PRKCI: variants seen among roughly 807,000 people sequenced by gnomAD.
The protein encoded by PRKCI is protein kinase C iota type.
Under a neutral mutation model 84.0 loss-of-function variants are expected in PRKCI, and 43 were observed. The observed-to-expected ratio is 0.51, with a 90% CI of 0.40 to 0.66. PRKCI has a LOEUF of 0.66. Among genes scored for constraint, PRKCI ranks in the 30% least tolerant of loss-of-function variants. The pLI is 0.00. For missense variants in PRKCI, 459 were observed against 745.6 expected (o/e 0.62, Z 4.48); for synonymous variants, 216 against 234.4 (o/e 0.92, Z 0.72).
chr3:170,232,199 C>A (rs1732816746), intron 1 of PRKCI, among the ~76,000 whole-genome samples: 1 of 151,886 alleles, frequency 6.6e-6, no homozygotes, highest in Non-Finnish European at 1.5e-5. Context: ...TGTAGGCACA[C>A]ACCACTATGT....
At chr3:170,262,356 A>AT (rs59966820) in intron 3 of PRKCI, among the ~76,000 whole-genome samples, 2,815 of 152,310 alleles carry the variant, frequency 0.018, 98 homozygotes, top group African/African-American at 0.064. Flanking sequence ...TTGTCCTACT[A>AT]TACCAAGGAT....
At position 170,222,586 on chromosome 3, in the gene PRKCI, A is replaced by G. The variant is rs904786310; in HGVS notation, c.-84A>G. On this transcript the variant is annotated 5_prime_UTR_variant, in exon 1 of 18. Transcript: ENST00000295797. Reference sequence around the variant, plus strand: ...GGCGGACGGCCGCGGTTCTCCGGCAAGCGCAGGCGGCGGAGTCCCCCACGG... The same window carrying G: ...GGCGGACGGCCGCGGTTCTCCGGCAGGCGCAGGCGGCGGAGTCCCCCACGG... The G allele has an allele frequency of 4.7e-5, 57 of 1,215,218 alleles. No homozygotes were observed. In the Middle Eastern group the frequency reaches 1.1e-3, roughly 25 times the overall value. The allele number at this position is 1,215,218 out of a possible 1,614,324, so 75.3% of individuals were successfully genotyped here. A position where few individuals can be genotyped will look rare whatever the true frequency, so the allele number is the denominator to read the frequency against.
intron 1 of PRKCI, among the ~76,000 whole-genome samples, chr3:170,232,398 C>T (rs554379735): frequency 8.6e-5 from 13 of 151,172 alleles, no homozygotes; most frequent in Non-Finnish European, 1.8e-4. Flanking sequence ...CAGTGTCTTC[C>T]TCCATCACCC....
intron 1 of PRKCI, among the ~76,000 whole-genome samples, chr3:170,233,327 A>G (rs1732853396): frequency 6.6e-6 from 1 of 151,864 alleles, no homozygotes; most frequent in East Asian, 1.9e-4. Flanking sequence ...CTGAAGCTCA[A>G]TAGCAAAATA....
chr3:170,264,660 C>A (rs1733814227), intron 4 of PRKCI, among the ~76,000 whole-genome samples: 2 of 152,118 alleles, frequency 1.3e-5, no homozygotes, highest in South Asian at 4.1e-4. Flanking sequence ...ATTAGATCTC[C>A]AATTCCTAGT....
At chr3:170,251,437 C>A (rs888423211) in intron 2 of PRKCI, among the ~76,000 whole-genome samples, 8 of 152,082 alleles carry the variant, frequency 5.3e-5, no homozygotes, top group African/African-American at 1.2e-4. Flanking sequence ...ATTACTATCT[C>A]TATTGTACAA....
intron 1 of PRKCI, 66 bp downstream of exon 1, chr3:170,222,836 G>A: frequency 8.3e-7 from 1 of 1,204,380 alleles, no homozygotes; most frequent in Non-Finnish European, 1.2e-6. Context: ...CCTGGAGGAG[G>A]GGAGGGTGAG....
chr3:170,299,139 T>G, intron 17 of PRKCI, 29 bp downstream of exon 17: 1 of 1,395,284 alleles, frequency 7.2e-7, no homozygotes. Flanking sequence ...TGAAATTTTT[T>G]TTTAAGTTCT....
intron 1 of PRKCI, among the ~76,000 whole-genome samples, chr3:170,229,572 C>T (rs1732733637): frequency 6.6e-6 from 1 of 152,212 alleles, no homozygotes; most frequent in Non-Finnish European, 1.5e-5. Context: ...GTAGAAATTA[C>T]AGGCATGAGC....
chr3:170,275,299 T>G lies in PRKCI; in HGVS notation c.705+12T>G. The G allele has an allele frequency of 2.5e-6, 4 of 1,596,712 alleles. No individual in the cohort carries two copies. The highest frequency in any genetic ancestry group is 3.4e-6 in the Non-Finnish European group (4 of 1,173,606). On this transcript the variant is annotated intron_variant, in intron 8 of 17. Coordinates refer to ENST00000295797, the MANE Select transcript of PRKCI (RefSeq NM_002740.6). ...GTGAAGAAAAAGAGGTAAGATAATT[T>G]GTCTTATTGTACATTATATCATTAG...
At chr3:170,266,571 A>C (rs73034400) in intron 4 of PRKCI, among the ~76,000 whole-genome samples, 12,291 of 152,150 alleles carry the variant, frequency 0.081, 1,189 homozygotes, top group African/African-American at 0.23. Flanking sequence ...AAGTCAACAT[A>C]ATGAAAAGGA....
At chr3:170,298,030 G>A (rs1734727726) in intron 16 of PRKCI, among the ~76,000 whole-genome samples, 1 of 150,862 alleles carries the variant, frequency 6.6e-6, no homozygotes, top group Admixed American at 6.6e-5. Flanking sequence ...ACGCCACCAC[G>A]CCCAGCTAAT....
At chr3:170,281,401 A>C (rs1734240960) in intron 10 of PRKCI, 138 bp downstream of exon 10, 4 of 645,164 alleles carry the variant, frequency 6.2e-6, no homozygotes, top group Non-Finnish European at 1.1e-5. Flanking sequence ...CTTCCTGCTA[A>C]TAATACTGCC....
chr3:170,289,499 G>A (rs990752635), intron 12 of PRKCI, among the ~76,000 whole-genome samples: 21 of 152,138 alleles, frequency 1.4e-4, no homozygotes, highest in Admixed American at 1.2e-3. Flanking sequence ...GAAGGGCCGG[G>A]CACAGTGCTC....
chr3:170,238,224 G>C (rs551245266), intron 2 of PRKCI, among the ~76,000 whole-genome samples: 1 of 152,130 alleles, frequency 6.6e-6, no homozygotes, highest in Non-Finnish European at 1.5e-5. Flanking sequence ...TTACCTGAGC[G>C]TGGTGGCGGG....
intron 2 of PRKCI, among the ~76,000 whole-genome samples, chr3:170,243,016 C>T (rs571990651): frequency 6.6e-6 from 1 of 151,982 alleles, no homozygotes; most frequent in East Asian, 1.9e-4. Flanking sequence ...AGAAATTATT[C>T]ATGTTTTTAA....
At chr3:170,261,628 C>T (rs527530836) in intron 3 of PRKCI, among the ~76,000 whole-genome samples, 9 of 151,938 alleles carry the variant, frequency 5.9e-5, no homozygotes, top group African/African-American at 1.2e-4. Context: ...GGATTACAGG[C>T]GCCTACCACC....
intron 12 of PRKCI, among the ~76,000 whole-genome samples, chr3:170,286,300 C>T (rs904532137): frequency 1.3e-5 from 2 of 151,986 alleles, no homozygotes; most frequent in Admixed American, 1.3e-4. Flanking sequence ...CCCTATGTAC[C>T]TATCACTTAT....
At chr3:170,245,950 T>TTTTTTTTTTTTTTTTTTTTG (rs1733269185) in intron 2 of PRKCI, among the ~76,000 whole-genome samples, 1 of 44,348 alleles carries the variant, frequency 2.3e-5, no homozygotes, top group African/African-American at 1.3e-4. Context: ...TATGTCTTTG[T>TTTTTTTTTTTTTTTTTTTTG]TTTTTTTTTT....
Sources: gnomAD v4.1 joint callset for allele counts (sites outside exome capture counted in the v4.1 genomes callset) on GRCh38, gnomAD v4.1.1 for gene constraint, MANE v1.5 for transcripts, NCBI Gene and HGNC (gene_info 2026-07-23, HGNC 2026-07-21) for gene names.